CSMD2: variants seen among roughly 807,000 people sequenced by gnomAD.
CSMD2 encodes the protein CUB and sushi domain-containing protein 2.
A neutral mutation model predicts 398.5 loss-of-function variants in CSMD2; 130 were observed. The observed-to-expected ratio is 0.33, with a 90% confidence interval of 0.28 to 0.38. The LOEUF (loss-of-function observed/expected upper bound fraction) is 0.38, where lower values mean the gene tolerates loss of function less well. CSMD2 is among the 10% of genes least tolerant of loss of function. CSMD2 has a pLI of 1.00. For missense variants in CSMD2, 3,829 were observed against 4,764.9 expected, an observed-to-expected ratio of 0.80 and a Z score of 5.78; for synonymous variants, 1,828 against 1,908.5, an observed-to-expected ratio of 0.96 and a Z score of 1.10.
chr1:34,024,982 T>G (rs1649440126), intron 3 of CSMD2, among the ~76,000 whole-genome samples: 2 of 152,220 alleles, frequency 1.3e-5, no homozygotes, highest in Non-Finnish European at 2.9e-5. Flanking sequence ...TTCTCCCATG[T>G]ACTTGCTTCC....
rs984201974 is a variant in CSMD2, at chr1:34,087,402, A to G, written c.404+1575T>C. ...AACCAAACACTGCATGTTCTCACTCATAAGTGGGAGTTGAACAATGAGAAC... is the reference window on the plus strand; with the variant it reads ...AACCAAACACTGCATGTTCTCACTCGTAAGTGGGAGTTGAACAATGAGAAC... On this transcript the variant is annotated intron_variant, in intron 2 of 70. Transcript: ENST00000373381. 2.6e-5 allele frequency among the ~76,000 whole-genome samples: 4 copies of G among 151,836 alleles called. No individual in the cohort carries two copies. In the South Asian group the frequency reaches 6.3e-4, roughly 24 times the overall value.
At chr1:33,921,983 G>A (rs909644198) in intron 4 of CSMD2, among the ~76,000 whole-genome samples, 1 of 152,160 alleles carries the variant, frequency 6.6e-6, no homozygotes, top group Non-Finnish European at 1.5e-5. Context: ...GGATTTAGGA[G>A]GCAGACTGTG....
At chr1:33,848,539 C>A (rs745475653) in intron 5 of CSMD2, among the ~76,000 whole-genome samples, 12 of 152,074 alleles carry the variant, frequency 7.9e-5, no homozygotes, top group Admixed American at 1.3e-4. Context: ...GGGAGAGGAT[C>A]TGGAGGTGCA....
intron 24 of CSMD2, among the ~76,000 whole-genome samples, chr1:33,693,848 G>A (rs530483219): frequency 5.3e-5 from 8 of 152,040 alleles, no homozygotes; most frequent in South Asian, 4.2e-4. Context: ...ACCTGCGGTC[G>A]GGAGTTTCAG....
chr1:33,814,246 T>C lies in CSMD2; in HGVS notation c.1325-3382A>G, dbSNP rs368617750. 32 of 152,310 alleles carry C rather than the reference T, an allele frequency of 2.1e-4. 1 individual carries two copies. The highest frequency in any genetic ancestry group is 7.2e-4 in the African/African-American group (30 of 41,558). 9.4% of individuals were successfully genotyped at this position (152,310 alleles called of 1,614,324 possible). ...CTAGAAGACATCAGTTTGGAATGAA[T>C]CTCTCTACCTGCCTTCTCCATACCT... On this transcript the variant is annotated intron_variant, in intron 9 of 70. Coordinates refer to ENST00000373381, the MANE Select transcript of CSMD2 (RefSeq NM_001281956.2).
chr1:33,895,613 A>C (rs959857423), intron 5 of CSMD2, among the ~76,000 whole-genome samples: 5 of 152,114 alleles, frequency 3.3e-5, no homozygotes, highest in African/African-American at 1.2e-4. Context: ...GCAGAGCTTG[A>C]GCCCGCCCTC....
At chr1:33,883,010 C>T (rs1178094704) in intron 5 of CSMD2, among the ~76,000 whole-genome samples, 1 of 152,222 alleles carries the variant, frequency 6.6e-6, no homozygotes, top group Non-Finnish European at 1.5e-5. Flanking sequence ...CTCTCTACCA[C>T]ACCAGCTGGA....
chr1:33,784,293 T>C (rs928461565), intron 12 of CSMD2, among the ~76,000 whole-genome samples: 4 of 151,936 alleles, frequency 2.6e-5, no homozygotes, highest in African/African-American at 4.8e-5. Flanking sequence ...GTGGAGGTGA[T>C]AGGAGCCCAA....
At chr1:34,063,060 T>A (rs1314394875) in intron 2 of CSMD2, among the ~76,000 whole-genome samples, 1 of 152,078 alleles carries the variant, frequency 6.6e-6, no homozygotes, top group African/African-American at 2.4e-5. Flanking sequence ...TGAGACTTAT[T>A]CACTACCACA....
At chr1:33,562,941 T>A (rs991684071) in intron 53 of CSMD2, among the ~76,000 whole-genome samples, 1 of 152,224 alleles carries the variant, frequency 6.6e-6, no homozygotes, top group Non-Finnish European at 1.5e-5. Context: ...GTGAGCCAGT[T>A]CCTTAAAATA....
chr1:33,605,563 C>T, intron 41 of CSMD2, 93 bp from the exon 42 acceptor site: 2 of 1,268,854 alleles, frequency 1.6e-6, no homozygotes, highest in Non-Finnish European at 2.2e-6. Context: ...AAGATTTGGA[C>T]TCAGATGGAC....
intron 55 of CSMD2, among the ~76,000 whole-genome samples, chr1:33,554,317 C>T (rs570771016): frequency 3.0e-4 from 45 of 151,814 alleles, no homozygotes; most frequent in African/African-American, 1.1e-3. Flanking sequence ...CCTCAGCCTC[C>T]CGAGTAGCTG....
chr1:33,993,867 C>T (rs1363433293), intron 3 of CSMD2, among the ~76,000 whole-genome samples: 2 of 152,198 alleles, frequency 1.3e-5, no homozygotes, highest in Non-Finnish European at 2.9e-5. Context: ...CCTGCCCGCA[C>T]CTTATCTCCA....
intron 44 of CSMD2, chr1:33,600,614 GT>G: frequency 1.8e-6 from 1 of 560,422 alleles, no homozygotes; most frequent in Non-Finnish European, 3.2e-6. Context: ...TGGCACCAAG[GT>G]TTGGGCTTCT....
chr1:33,873,907 C>T (rs550038427), intron 5 of CSMD2: 5 of 152,406 alleles, frequency 3.3e-5, no homozygotes, highest in East Asian at 3.9e-4. Flanking sequence ...TACACTCTCT[C>T]CTCCCCAGGG....
At chr1:33,730,754 A>C (rs1178987207) in intron 15 of CSMD2, among the ~76,000 whole-genome samples, 4 of 152,204 alleles carry the variant, frequency 2.6e-5, no homozygotes, top group Non-Finnish European at 5.9e-5. Context: ...TGGGATTTTC[A>C]GCAAGAGTGA....
At chr1:34,092,266 A>C (rs1042596713) in intron 1 of CSMD2, among the ~76,000 whole-genome samples, 7 of 152,236 alleles carry the variant, frequency 4.6e-5, no homozygotes, top group African/African-American at 1.7e-4. Context: ...TTAATTTATG[A>C]TATTAACCTC....
rs1281499480 is a variant in CSMD2, at chr1:33,849,354, G to C, written c.921-2358C>G. 7.2e-5 allele frequency among the ~76,000 whole-genome samples: 11 copies of C among 152,132 alleles called. No homozygotes were observed. In the East Asian group the frequency reaches 2.1e-3, roughly 29 times the overall value. ...AACCAGCTACCAATACCTGCAACAT[G>C]GATGACTCTTAAAAGCATTATGTTG... On this transcript the variant is annotated intron_variant, in intron 5 of 70. Coordinates refer to ENST00000373381, the MANE Select transcript of CSMD2 (RefSeq NM_001281956.2).
chr1:33,744,614 A>G (rs1647205808), intron 13 of CSMD2, among the ~76,000 whole-genome samples: 1 of 152,234 alleles, frequency 6.6e-6, no homozygotes, highest in Non-Finnish European at 1.5e-5. Context: ...CAAAATTATA[A>G]AAGAAAATAA....
Sources: gnomAD v4.1 joint callset for allele counts (sites outside exome capture counted in the v4.1 genomes callset) on GRCh38, gnomAD v4.1.1 for gene constraint, MANE v1.5 for transcripts, NCBI Gene and HGNC (gene_info 2026-07-23, HGNC 2026-07-21) for gene names.